Variants in DLGAP2 observed in about 807,000 individuals in gnomAD.
DLGAP2 encodes disks large-associated protein 2.
DLGAP2 carries 26 observed loss-of-function variants against 100.3 expected under a neutral mutation model. That is an observed-to-expected ratio of 0.26 (90% confidence interval 0.19 to 0.36). The LOEUF (loss-of-function observed/expected upper bound fraction) is 0.36, where lower values mean the gene tolerates loss of function less well. Ranked by LOEUF, DLGAP2 falls within the 10% of genes least tolerant of loss-of-function variation. DLGAP2 has a pLI of 1.00. For synonymous variants in DLGAP2, 886 were observed against 630.1 expected, an observed-to-expected ratio of 1.41 and a Z score of -6.08; for missense variants, 1,858 against 1,453.2, an observed-to-expected ratio of 1.28 and a Z score of -4.53.
intron 4 of DLGAP2, among the ~76,000 whole-genome samples, chr8:1,517,444 G>A (rs138562008): frequency 5.8e-4 from 89 of 152,234 alleles, no homozygotes; most frequent in African/African-American, 1.9e-3. Context: ...GTCTCAGGGC[G>A]TTTCCCCACC....
At chr8:1,378,412 T>C (rs1426088043) in intron 3 of DLGAP2, among the ~76,000 whole-genome samples, 1 of 151,580 alleles carries the variant, frequency 6.6e-6, no homozygotes, top group Admixed American at 6.6e-5. Flanking sequence ...TGACTTCGCC[T>C]GTCCGTCCTG....
intron 2 of DLGAP2, among the ~76,000 whole-genome samples, chr8:923,373 G>A (rs182973433): frequency 7.6e-4 from 116 of 152,330 alleles, no homozygotes; most frequent in African/African-American, 2.7e-3. Context: ...AGACTCTGAG[G>A]GGCCACTGCC....
chr8:956,609 G>A (rs1170266400), intron 2 of DLGAP2, among the ~76,000 whole-genome samples: 2 of 152,186 alleles, frequency 1.3e-5, no homozygotes, highest in Non-Finnish European at 2.9e-5. Flanking sequence ...CCTGAAACCT[G>A]ATATTTTAGA....
intron 2 of DLGAP2, among the ~76,000 whole-genome samples, chr8:1,044,242 G>T (rs1802454580): frequency 6.6e-6 from 1 of 152,208 alleles, no homozygotes; most frequent in East Asian, 1.9e-4. Flanking sequence ...TTGTCACTTA[G>T]TGTTATCCCA....
intron 13 of DLGAP2, 30 bp from the exon 14 acceptor site, chr8:1,697,117 T>C: frequency 6.6e-7 from 1 of 1,511,536 alleles, no homozygotes; most frequent in Non-Finnish European, 8.9e-7. Context: ...GAGACTCTCC[T>C]GGCTCTGAAC....
intron 4 of DLGAP2, among the ~76,000 whole-genome samples, chr8:1,522,230 G>T (rs1800629118): frequency 1.3e-5 from 2 of 152,232 alleles, no homozygotes; most frequent in South Asian, 4.1e-4. Flanking sequence ...TCCCAGTTGG[G>T]TTTGATGCAC....
chr8:1,694,078 A>T (rs1799319583), intron 13 of DLGAP2, among the ~76,000 whole-genome samples: 1 of 152,250 alleles, frequency 6.6e-6, no homozygotes, highest in Non-Finnish European at 1.5e-5. Flanking sequence ...TGCCAGAAAT[A>T]GCTAATATTT....
intron 2 of DLGAP2, among the ~76,000 whole-genome samples, chr8:1,130,840 C>T (rs1684289174): frequency 7.1e-6 from 1 of 140,442 alleles, no homozygotes; most frequent in African/African-American, 2.5e-5. Context: ...GATGGGCCTC[C>T]CTGATGAGGG....
intron 1 of DLGAP2, chr8:754,136 T>A (rs1820860991): frequency 6.6e-6 from 1 of 152,272 alleles, no homozygotes; most frequent in Admixed American, 6.5e-5. Context: ...CAGGTGCCTT[T>A]CCGAGTCCTC....
intron 8 of DLGAP2, among the ~76,000 whole-genome samples, chr8:1,634,949 C>T (rs1040131233): frequency 2.0e-5 from 3 of 152,080 alleles, no homozygotes; most frequent in Admixed American, 1.3e-4. Flanking sequence ...GAGTTTCTAC[C>T]GGATCTTGGC....
intron 3 of DLGAP2, among the ~76,000 whole-genome samples, chr8:1,335,013 G>A (rs972183087): frequency 2.6e-5 from 4 of 152,268 alleles, no homozygotes; most frequent in Middle Eastern, 3.4e-3. Context: ...AATCTTATAA[G>A]CATCTAAGTA....
In DLGAP2 at chr8:1,291,133, C is replaced by T. The variant is rs553868003; in HGVS notation, c.106+32250C>T. Among the ~76,000 whole-genome samples the T allele has an allele frequency of 2.6e-5, 4 of 152,268 alleles. No individual in the cohort carries two copies. The East Asian group carries it at 7.7e-4, about 29-fold the overall frequency. ...TGAAGAAAACTTAATATCTAGGTAA[C>T]AGTCATCACGATGATTGGAAATGGA... On this transcript the variant is annotated intron_variant, in intron 3 of 14. Coordinates refer to ENST00000637795, the MANE Select transcript of DLGAP2 (RefSeq NM_001346810.2).
chr8:1,455,580 C>T (rs1451629778), intron 3 of DLGAP2, among the ~76,000 whole-genome samples: 1 of 152,262 alleles, frequency 6.6e-6, no homozygotes, highest in African/African-American at 2.4e-5. Flanking sequence ...CTTTTCCTTG[C>T]AGCCTCGGTG....
At chr8:950,622 CTT>C (rs34631994) in intron 2 of DLGAP2, among the ~76,000 whole-genome samples, 134 of 130,432 alleles carry the variant, frequency 1.0e-3, no homozygotes, top group African/African-American at 2.8e-3. Context: ...TTTTCTTTTT[CTT>C]TTTTTTTTTT....
At chr8:1,514,769 T>C (rs1336188054) in intron 4 of DLGAP2, among the ~76,000 whole-genome samples, 1 of 152,152 alleles carries the variant, frequency 6.6e-6, no homozygotes. Context: ...TCCTAGTCCA[T>C]GTAGCTGCTG....
intron 2 of DLGAP2, among the ~76,000 whole-genome samples, 163 bp from the exon 3 acceptor site, chr8:1,258,688 C>T (rs1422867629): frequency 1.3e-5 from 2 of 152,176 alleles, no homozygotes; most frequent in African/African-American, 4.8e-5. Context: ...TGCTGGCGTG[C>T]AAGGCCAGAG....
chr8:910,837 G>C (rs1156697122), intron 2 of DLGAP2, among the ~76,000 whole-genome samples: 1 of 151,860 alleles, frequency 6.6e-6, no homozygotes, highest in African/African-American at 2.4e-5. Context: ...CTTTTTTTTG[G>C]TTAGCGGGCT....
intron 3 of DLGAP2, among the ~76,000 whole-genome samples, chr8:1,383,543 C>G (rs2129776157): frequency 6.6e-6 from 1 of 152,278 alleles, no homozygotes; most frequent in South Asian, 2.1e-4. Flanking sequence ...GGCGACGTTA[C>G]CGGTCTGAGG....
At chr8:1,513,636 C>T (rs1317185527) in intron 4 of DLGAP2, among the ~76,000 whole-genome samples, 1 of 152,220 alleles carries the variant, frequency 6.6e-6, no homozygotes, top group Non-Finnish European at 1.5e-5. Context: ...CTAAGCCCTC[C>T]TGGTCGTGTA....
Sources: gnomAD v4.1 joint callset for allele counts (sites outside exome capture counted in the v4.1 genomes callset) on GRCh38, gnomAD v4.1.1 for gene constraint, MANE v1.5 for transcripts, NCBI Gene and HGNC (gene_info 2026-07-23, HGNC 2026-07-21) for gene names.